DCAF11: variants seen among roughly 807,000 people sequenced by gnomAD.
DCAF11 encodes the protein DDB1 and CUL4 associated factor 11, also known as DDB1- and CUL4-associated factor 11.
A neutral mutation model predicts 76.1 loss-of-function variants in DCAF11; 44 were observed. That is an observed-to-expected ratio of 0.58 (90% CI 0.45 to 0.74). The LOEUF (loss-of-function observed/expected upper bound fraction) is 0.74, where lower values mean the gene tolerates loss of function less well. Ranked by LOEUF, DCAF11 falls within the 30% of genes least tolerant of loss-of-function variation. DCAF11 has a pLI of 0.00. For synonymous variants in DCAF11, 258 were observed against 255.0 expected (o/e 1.01, Z -0.11); for missense variants, 604 against 709.4 (o/e 0.85, Z 1.69).
chr14:24,115,522 T>C lies in DCAF11; in HGVS notation c.-73T>C. 1 of 1,526,682 alleles carries C rather than the reference T, an allele frequency of 6.6e-7. No individual in the cohort carries two copies. The highest frequency in any genetic ancestry group is 8.8e-7 in the Non-Finnish European group (1 of 1,138,724). 94.6% of individuals were successfully genotyped at this position (1,526,682 alleles called of 1,614,324 possible). A position where few individuals can be genotyped will look rare whatever the true frequency, so the allele number is the denominator to read the frequency against. ...AGACCCTGGTATTTCTAGAGCACGC[T>C]TTGCTTTCACCAAACCCAAGGAGGT... On this transcript the variant is annotated 5_prime_UTR_variant, in exon 2 of 15. Transcript: ENST00000446197.
At chr14:24,121,121 C>G in intron 12 of DCAF11, 130 bp downstream of exon 12, 1 of 1,379,128 alleles carries the variant, frequency 7.3e-7, no homozygotes, top group African/African-American at 1.5e-5. Flanking sequence ...GCCAGAGGTT[C>G]CTAGGATTGG....
At chr14:24,118,968 G>T (rs2037637497) in intron 8 of DCAF11, 164 bp downstream of exon 8, 2 of 1,128,934 alleles carry the variant, frequency 1.8e-6, no homozygotes, top group East Asian at 4.7e-5. Context: ...AGAGGACTGG[G>T]TAAAATAGAT....
At position 24,117,117 on chromosome 14, in the gene DCAF11, T is replaced by G; in HGVS notation, c.283+73T>G. ...TTTAGTGATATTTTGAATGATAGGTTACATTGAAAGAAGGTACGATAATTT... is the reference window on the plus strand; with the variant it reads ...TTTAGTGATATTTTGAATGATAGGTGACATTGAAAGAAGGTACGATAATTT... On this transcript the variant is annotated intron_variant, in intron 3 of 14. Coordinates refer to ENST00000446197, the MANE Select transcript of DCAF11 (RefSeq NM_025230.5). The surrounding 1 kb of genome is among the most constrained non-coding windows in gnomAD (Gnocchi z 4.3). 1 of 1,611,242 alleles carries G rather than the reference T, an allele frequency of 6.2e-7. No homozygotes were observed. The highest frequency in any genetic ancestry group is 8.5e-7 in the Non-Finnish European group (1 of 1,178,176).
At position 24,124,349 on chromosome 14, in the gene DCAF11, T is replaced by C. The variant is rs2037743568; in HGVS notation, c.*1040T>C. 6.6e-6 allele frequency: 1 copy of C among 152,202 alleles called. No homozygotes were observed. The highest frequency in any genetic ancestry group is 2.4e-5 in the African/African-American group (1 of 41,436). 9.4% of individuals were successfully genotyped at this position (152,202 alleles called of 1,614,324 possible). On this transcript the variant is annotated 3_prime_UTR_variant, in exon 15 of 15. Transcript: ENST00000446197. ...GCAGCTGTGTAGTCTTTGGAAGAGG[T>C]AGCCCCTGAACGCAGAGCCTAAGAG...
chr14:24,123,013 A>C lies in DCAF11; in HGVS notation c.1442A>C (p.Asn481Thr). ...LSGHIVKKLTNHKACVRDVSW... is the reference protein window; with the variant it reads ...LSGHIVKKLTTHKACVRDVSW... ...GGCCACATTGTGAAGAAGCTGACCA[A>C]CCACAAGGCCTGTGTGCGTGACGTC... The change falls in exon 14 of 15, where the codon AAC (asparagine) becomes ACC (threonine). Residue 481 changes from asparagine (N) to threonine (T), a missense_variant. Asn to Thr is a moderately conservative substitution (Grantham distance 65, BLOSUM62 0). Transcript: ENST00000446197. 6.2e-7 allele frequency: 1 copy of C among 1,614,204 alleles called. No homozygotes were observed. Among genetic ancestry groups the C allele is most frequent in the South Asian group, 1.1e-5 (1 of 91,092 alleles).
In DCAF11 at chr14:24,118,547, C is replaced by A; in HGVS notation, c.724+13C>A. On this transcript the variant is annotated intron_variant, in intron 7 of 14. Coordinates refer to ENST00000446197, the MANE Select transcript of DCAF11 (RefSeq NM_025230.5). Reference sequence around the variant, plus strand: ...TGGTCTGATTACAGTGAGTATGCACCAGGCTTCCACTGACTCTCCAGCCTG... The same window carrying A: ...TGGTCTGATTACAGTGAGTATGCACAAGGCTTCCACTGACTCTCCAGCCTG... 6.2e-7 allele frequency: 1 copy of A among 1,610,538 alleles called. No individual in the cohort carries two copies. Among genetic ancestry groups the A allele is most frequent in the Non-Finnish European group, 8.5e-7 (1 of 1,177,074 alleles).
chr14:24,115,564 G>T lies in DCAF11; in HGVS notation c.-31G>T, dbSNP rs201486959. The T allele has an allele frequency of 2.2e-5, 35 of 1,589,610 alleles. No homozygotes were observed. The highest frequency in any genetic ancestry group is 2.8e-5 in the Non-Finnish European group (33 of 1,167,648). On this transcript the variant is annotated 5_prime_UTR_variant, in exon 2 of 15. Coordinates refer to ENST00000446197, the MANE Select transcript of DCAF11 (RefSeq NM_025230.5). The stretch of plus-strand genomic sequence containing the variant: ...CAAGGAGGTGACAGGAGGAGCCCCC[G>T]CACAGGACCTAAGAATGCTGTGACC...
intron 9 of DCAF11, 51 bp from the exon 10 acceptor site, chr14:24,119,508 T>A (rs1175900404): frequency 1.8e-5 from 29 of 1,603,082 alleles, no homozygotes; most frequent in Non-Finnish European, 2.4e-5. Context: ...TATACCACGT[T>A]GGTCCTCTCG....
Position 24,118,521 on chromosome 14 carries a change from C to G in DCAF11, c.711C>G (p.Ser237Arg). Reference protein sequence around the residue: ...TPDGNHFLYSSWSDYIHICNI... With the variant: ...TPDGNHFLYSRWSDYIHICNI... ...ATGGGAACCACTTCCTCTACTCTAGCTGGTCTGATTACAGTGAGTATGCAC... is the reference window on the plus strand; with the variant it reads ...ATGGGAACCACTTCCTCTACTCTAGGTGGTCTGATTACAGTGAGTATGCAC... Residue 237 changes from serine (S) to arginine (R), a missense_variant, in exon 7 of 15, where the codon AGC becomes AGG. By Grantham distance (110) the Ser-to-Arg change is moderately radical (BLOSUM62 -1). Transcript: ENST00000446197. 6.2e-7 allele frequency: 1 copy of G among 1,614,192 alleles called. No homozygotes were observed. Among genetic ancestry groups the G allele is most frequent in the Non-Finnish European group, 8.5e-7 (1 of 1,180,020 alleles).
rs780800099 is a variant in DCAF11 at position 24,118,768 on chromosome 14, A to C, written c.743A>C (p.Tyr248Ser). Residue 248 changes from tyrosine (Y) to serine (S), a missense_variant, in exon 8 of 15, where the codon TAT becomes TCT. Coordinates refer to ENST00000446197, the MANE Select transcript of DCAF11 (RefSeq NM_025230.5). ...WSDYIHICNI[Y>S]GEGDTHTALD... ...CTCTTAGTTCATATCTGCAATATCT[A>C]TGGTGAGGGAGATACACACACTGCC... The C allele has an allele frequency of 4.3e-6, 7 of 1,613,964 alleles. No homozygotes were observed. Among genetic ancestry groups the C allele is most frequent in the Admixed American group, 3.3e-5 (2 of 60,000 alleles).
rs2037736808 is a variant in DCAF11, at chr14:24,123,921, G to C, written c.*612G>C. The C allele has an allele frequency of 6.6e-6, 1 of 152,308 alleles. No individual in the cohort carries two copies. 9.4% of individuals were successfully genotyped at this position (152,308 alleles called of 1,614,324 possible). ...TTATAGGGCAGGCCCTGCCCTCTGG[G>C]AAGGTCCCTTCATGCTGGAGGCACA... On this transcript the variant is annotated 3_prime_UTR_variant, in exon 15 of 15. Coordinates refer to ENST00000446197, the MANE Select transcript of DCAF11 (RefSeq NM_025230.5).
chr14:24,119,335 C>T lies in DCAF11; in HGVS notation c.848+122C>T. The T allele has an allele frequency of 5.1e-6, 7 of 1,379,424 alleles. No individual in the cohort carries two copies. The South Asian group carries it at 8.3e-5, about 16-fold the overall frequency. 85.4% of individuals were successfully genotyped at this position (1,379,424 alleles called of 1,614,324 possible). ...GAACAACCAGACCTTCTCCCAAGGT[C>T]AGGATTTACAAGTTGCTTCACCCCT... is the stretch of plus-strand genomic sequence containing the variant. On this transcript the variant is annotated intron_variant, in intron 9 of 14. Transcript: ENST00000446197.
chr14:24,121,449 G>T lies in DCAF11; in HGVS notation c.1331G>T (p.Arg444Leu). Residue 444 changes from arginine to leucine, a missense_variant, in exon 13 of 15, where the codon CGG becomes CTG. By Grantham distance (102) the Arg-to-Leu change is moderately radical. Transcript: ENST00000446197. ...GTGCTGCACACCCTCATCCGCTGCC[G>T]GTTCTCCCCCATTCATAGCACTGGC... ...HGVLHTLIRC[R>L]FSPIHSTGQQ... 6.2e-7 allele frequency: 1 copy of T among 1,614,146 alleles called. No individual in the cohort carries two copies. Among genetic ancestry groups the T allele is most frequent in the Non-Finnish European group, 8.5e-7 (1 of 1,180,024 alleles).
In DCAF11 at chr14:24,115,579, A is replaced by C; in HGVS notation, c.-16A>C. 6.2e-7 allele frequency: 1 copy of C among 1,607,910 alleles called. No individual in the cohort carries two copies. ...AGGAGCCCCCGCACAGGACCTAAGAATGCTGTGACCAGAAGATGGGATCGC... is the reference window on the plus strand; with the variant it reads ...AGGAGCCCCCGCACAGGACCTAAGACTGCTGTGACCAGAAGATGGGATCGC... On this transcript the variant is annotated 5_prime_UTR_variant, in exon 2 of 15. It removes an upstream start codon present in the reference 5' UTR. Transcript: ENST00000446197.
rs2037522129 is a variant in DCAF11 at position 24,115,278 on chromosome 14, C to T, written c.-229C>T. 4.4e-6 allele frequency: 1 copy of T among 227,964 alleles called. No individual in the cohort carries two copies. Among genetic ancestry groups the T allele is most frequent in the Non-Finnish European group, 8.4e-6 (1 of 118,968 alleles). 14.1% of individuals were successfully genotyped at this position (227,964 alleles called of 1,614,324 possible). ...CCCAACACCCCTCCCGCTCCCCAGT[C>T]CGGGGACTTCGATAGGTGAGTTTGG... On this transcript the variant is annotated 5_prime_UTR_variant, in exon 1 of 15. Coordinates refer to ENST00000446197, the MANE Select transcript of DCAF11 (RefSeq NM_025230.5).
In DCAF11 at chr14:24,120,932, C is replaced by T. The variant is rs2037679507; in HGVS notation, c.1187C>T (p.Ser396Leu). The T allele has an allele frequency of 6.2e-7, 1 of 1,614,210 alleles. No homozygotes were observed. Among genetic ancestry groups the T allele is most frequent in the Non-Finnish European group, 8.5e-7 (1 of 1,180,046 alleles). The change falls in exon 12 of 15, where the codon TCA (serine) becomes TTA (leucine). Residue 396 changes from serine (S) to leucine (L), a missense_variant. Coordinates refer to ENST00000446197, the MANE Select transcript of DCAF11 (RefSeq NM_025230.5). ...RFSSREGMEA[S>L]RQAATQQNWD... The stretch of plus-strand genomic sequence containing the variant: ...TCCAGCCGGGAAGGCATGGAAGCTT[C>T]ACGCCAGGCTGCCACACAGCAAAAC...
intron 2 of DCAF11, among the ~76,000 whole-genome samples, chr14:24,116,313 G>A (rs1227341431): frequency 6.6e-6 from 1 of 152,076 alleles, no homozygotes; most frequent in East Asian, 1.9e-4. Flanking sequence ...TGGGTTTGGG[G>A]GTCCCTTCAG....
intron 10 of DCAF11, 40 bp from the exon 11 acceptor site, chr14:24,119,671 C>G: frequency 6.2e-7 from 1 of 1,614,152 alleles, no homozygotes; most frequent in Non-Finnish European, 8.5e-7. Context: ...TTTATAAGAC[C>G]TAGAAAGAGG....
At chr14:24,122,472 A>T (rs182452307) in intron 13 of DCAF11, among the ~76,000 whole-genome samples, 1 of 150,010 alleles carries the variant, frequency 6.7e-6, no homozygotes, top group Admixed American at 6.6e-5. Flanking sequence ...CCTGGGCAAC[A>T]AGAGCGAGAC....
Sources: allele counts gnomAD v4.1 joint callset (sites outside exome capture counted in the v4.1 genomes callset), GRCh38; gene constraint gnomAD v4.1.1; non-coding constraint Gnocchi (gnomAD v3.1); transcripts MANE v1.5; gene names NCBI Gene and HGNC (gene_info 2026-07-23, HGNC 2026-07-21).